Variants in EFTUD2 observed in about 807,000 individuals in gnomAD.
EFTUD2 encodes 116 kDa U5 small nuclear ribonucleoprotein component.
In EFTUD2, 9 loss-of-function variants were observed where a neutral mutation model predicts 114.3. The ratio of observed to expected loss-of-function variants is 0.08; its 90% confidence interval spans 0.05 to 0.14. The LOEUF (loss-of-function observed/expected upper bound fraction) is 0.14. EFTUD2 is among the 10% of genes least tolerant of loss of function. The pLI is 1.00. For missense variants in EFTUD2, 765 were observed against 1,241.2 expected (o/e 0.62, Z 5.76); for synonymous variants, 449 against 462.3 (o/e 0.97, Z 0.37).
intron 2 of EFTUD2, among the ~76,000 whole-genome samples, chr17:44,889,722 C>G (rs1360349836): frequency 2.0e-5 from 3 of 152,142 alleles, no homozygotes; most frequent in Non-Finnish European, 1.5e-5. Context: ...GTGGTGAGAC[C>G]GGCTACCTCC....
chr17:44,865,935 C>A (rs1051354381), intron 13 of EFTUD2, among the ~76,000 whole-genome samples: 4 of 152,006 alleles, frequency 2.6e-5, no homozygotes, highest in Non-Finnish European at 4.4e-5. Flanking sequence ...CCTCAGCCCC[C>A]CAAGTAGTTG....
chr17:44,880,365 C>T, intron 8 of EFTUD2, 189 bp downstream of exon 8: 1 of 503,488 alleles, frequency 2.0e-6, no homozygotes, highest in South Asian at 2.4e-5. Flanking sequence ...GAATAGAAGG[C>T]CTGGAGTATG....
At chr17:44,865,182 T>C (rs2050723142) in intron 13 of EFTUD2, 117 bp from the exon 14 acceptor site, 14 of 1,419,516 alleles carry the variant, frequency 9.9e-6, no homozygotes, top group Non-Finnish European at 1.0e-5. Flanking sequence ...CTCTCTTCTA[T>C]GGAGACAAAG....
At chr17:44,863,107 T>TA in intron 15 of EFTUD2, 1 of 336,430 alleles carries the variant, frequency 3.0e-6, no homozygotes, top group Non-Finnish European at 5.4e-6. Context: ...AATATTCTCC[T>TA]CTTTTTTTTT....
intron 18 of EFTUD2, chr17:44,859,434 T>C (rs138152306): frequency 5.7e-4 from 320 of 563,258 alleles, no homozygotes; most frequent in African/African-American, 5.7e-3. Context: ...ATGATTTAGG[T>C]CAAACTCTAC....
Position 44,872,515 on chromosome 17 carries a change from A to G in EFTUD2, c.925T>C (p.Phe309Leu), listed in dbSNP as rs1319888876. The G allele has an allele frequency of 6.2e-7, 1 of 1,613,476 alleles. No individual in the cohort carries two copies. Among genetic ancestry groups the G allele is most frequent in the Non-Finnish European group, 8.5e-7 (1 of 1,179,570 alleles). The change falls in exon 11 of 28, where the codon TTC (phenylalanine) becomes CTC (leucine). Residue 309 changes from phenylalanine (F) to leucine (L), a missense_variant. Phe to Leu is a conservative substitution (Grantham distance 22, BLOSUM62 0). Around this residue, in one of 6 missense-constraint regions of EFTUD2, gnomAD observed 251 missense variants for 357.7 expected, o/e 0.70. Coordinates refer to ENST00000426333, the MANE Select transcript of EFTUD2 (RefSeq NM_004247.4). ...ILSPLLGNVCFSSSQYSICFT... is the reference protein window; with the variant it reads ...ILSPLLGNVCLSSSQYSICFT... Reference sequence around the variant, plus strand: ...CAGATGCTGTACTGGGAGCTGGAGAAGCAGACGTTACCCAGGAGTGGGGAA... The same window carrying G: ...CAGATGCTGTACTGGGAGCTGGAGAGGCAGACGTTACCCAGGAGTGGGGAA...
intron 1 of EFTUD2, among the ~76,000 whole-genome samples, chr17:44,895,473 G>T (rs943315341): frequency 6.8e-6 from 1 of 146,354 alleles, no homozygotes; most frequent in African/African-American, 2.5e-5. Flanking sequence ...TCCAGCCTGG[G>T]AGACAGAACA....
intron 15 of EFTUD2, 40 bp downstream of exon 15, chr17:44,863,615 G>GA (rs1218391308): frequency 1.9e-6 from 3 of 1,598,610 alleles, no homozygotes; most frequent in Admixed American, 1.7e-5. Context: ...ACAGGAAGGG[G>GA]AAAAAAAGAC....
At chr17:44,852,240 A>T (rs1409989140) in intron 26 of EFTUD2, among the ~76,000 whole-genome samples, 169 bp downstream of exon 26, 3 of 150,274 alleles carry the variant, frequency 2.0e-5, no homozygotes, top group African/African-American at 7.4e-5. Flanking sequence ...TTTTTTTTTT[A>T]AACTGAGAGA....
intron 12 of EFTUD2, 105 bp from the exon 13 acceptor site, chr17:44,868,002 A>C: frequency 8.7e-7 from 1 of 1,150,316 alleles, no homozygotes; most frequent in Non-Finnish European, 1.2e-6. Flanking sequence ...CCAGGGGAGG[A>C]ATGTGTGTGT....
intron 15 of EFTUD2, chr17:44,863,121 TG>T: frequency 4.7e-6 from 2 of 426,066 alleles, no homozygotes; most frequent in Non-Finnish European, 8.3e-6. Context: ...TTTTTTTTTT[TG>T]GGAGGATAAG....
chr17:44,863,093 C>A, intron 15 of EFTUD2, 187 bp from the exon 16 acceptor site: 4 of 436,190 alleles, frequency 9.2e-6, no homozygotes, highest in South Asian at 1.5e-4. Context: ...CATGGCAGAG[C>A]AAAAATATTC....
At chr17:44,883,339 A>G (rs1326494828) in intron 5 of EFTUD2, among the ~76,000 whole-genome samples, 181 bp from the exon 6 acceptor site, 1 of 152,238 alleles carries the variant, frequency 6.6e-6, no homozygotes, top group African/African-American at 2.4e-5. Flanking sequence ...ATAAAAGATG[A>G]AATCTTTCTT....
intron 11 of EFTUD2, among the ~76,000 whole-genome samples, chr17:44,871,260 A>G (rs982699285): frequency 6.6e-6 from 1 of 151,994 alleles, no homozygotes; most frequent in Non-Finnish European, 1.5e-5. Flanking sequence ...ACTGGGCTCA[A>G]GTGATCCGCC....
In EFTUD2 at chr17:44,850,315, T is replaced by G; in HGVS notation, c.*959A>C. ...GGGTTTGATGCCAAGGGGCATTATT[T>G]CTTTTCTCTCACACAGGTGCTGTGT... On this transcript the variant is annotated 3_prime_UTR_variant, in exon 28 of 28. Coordinates refer to ENST00000426333, the MANE Select transcript of EFTUD2 (RefSeq NM_004247.4). The G allele has an allele frequency of 1.9e-6, 3 of 1,606,750 alleles. No homozygotes were observed. The highest frequency in any genetic ancestry group is 2.6e-6 in the Non-Finnish European group (3 of 1,175,606).
chr17:44,891,182 C>G (rs2051272185), intron 2 of EFTUD2, among the ~76,000 whole-genome samples: 1 of 152,222 alleles, frequency 6.6e-6, no homozygotes, highest in Non-Finnish European at 1.5e-5. Context: ...AATACACACA[C>G]ACTATGCAAC....
At chr17:44,892,077 T>A (rs60556633) in intron 2 of EFTUD2, 1 of 152,306 alleles carries the variant, frequency 6.6e-6, no homozygotes, top group East Asian at 1.9e-4. Flanking sequence ...GGGTTTTTAG[T>A]CCCAAATTCA....
rs146483816 is a variant in EFTUD2, at chr17:44,862,260, C to T, written c.1607+453G>A. Among the ~76,000 whole-genome samples, 19 of 152,122 alleles carry T rather than the reference C, an allele frequency of 1.2e-4. No homozygotes were observed. The East Asian group carries it at 3.5e-3, about 28-fold the overall frequency. ...GACCAGCCTGGGCAATATAGTGAGA[C>T]ATTGTCTCTACAAAAAATTTAAAAA... On this transcript the variant is annotated intron_variant, in intron 16 of 27. Transcript: ENST00000426333.
chr17:44,894,128 C>A (rs762189125), intron 2 of EFTUD2: 47 of 294,340 alleles, frequency 1.6e-4, no homozygotes, highest in Non-Finnish European at 2.6e-4. Flanking sequence ...GTAATCCTAG[C>A]AGTTTGGGAG....
Sources: allele counts gnomAD v4.1 joint callset (sites outside exome capture counted in the v4.1 genomes callset), GRCh38; gene constraint gnomAD v4.1.1; regional missense constraint gnomAD v4.1.1; transcripts MANE v1.5; gene names NCBI Gene and HGNC (gene_info 2026-07-23, HGNC 2026-07-21).